The following PAX5 variants were observed in gnomAD, a reference collection of about 807,000 sequenced individuals.
The protein encoded by PAX5 is paired box 5.
In PAX5, 9 loss-of-function variants were observed where a neutral mutation model predicts 43.7. That is an observed-to-expected ratio of 0.21 (90% CI 0.12 to 0.36). The LOEUF (loss-of-function observed/expected upper bound fraction) is 0.36, where lower values mean the gene tolerates loss of function less well. PAX5 is among the 10% of genes least tolerant of loss of function. PAX5 has a pLI of 1.00. For synonymous variants in PAX5, 228 were observed against 214.3 expected, an observed-to-expected ratio of 1.06 and a Z score of -0.56; for missense variants, 383 against 532.7, an observed-to-expected ratio of 0.72 and a Z score of 2.77.
chr9:36,866,721 C>G (rs536342588), intron 8 of PAX5, among the ~76,000 whole-genome samples: 39 of 152,262 alleles, frequency 2.6e-4, no homozygotes, highest in African/African-American at 9.4e-4. Context: ...ACCTGGCTCC[C>G]CCTCTGACTT....
chr9:37,007,350 GA>G (rs1488427169), intron 3 of PAX5: 1 of 152,172 alleles, frequency 6.6e-6, no homozygotes, highest in African/African-American at 2.4e-5. Flanking sequence ...ATCATTTTCG[GA>G]AAAGAAAAAA....
At chr9:37,001,827 T>TTTC (rs61514710) in intron 5 of PAX5, among the ~76,000 whole-genome samples, 14,741 of 132,982 alleles carry the variant, frequency 0.11, 657 homozygotes, top group East Asian at 0.17. Context: ...TTTTTTTTTT[T>TTTC]TTTTTTTCTT....
chr9:36,900,059 C>A (rs1828232298), intron 7 of PAX5, among the ~76,000 whole-genome samples: 1 of 152,240 alleles, frequency 6.6e-6, no homozygotes, highest in South Asian at 2.1e-4. Flanking sequence ...TCTCTGCTCA[C>A]TCTCTAAATC....
In PAX5 at chr9:36,966,540, G is replaced by A. The variant is rs745323147; in HGVS notation, c.780+9C>T. On this transcript the variant is annotated intron_variant, in intron 6 of 9. Transcript: ENST00000358127. ...GGCAGGTGTGGTGGGCGTGCATCAC[G>A]AGGCGTACCTGCTCGGGCTTGATGG... 8 of 1,609,318 alleles carry A rather than the reference G, an allele frequency of 5.0e-6. No homozygotes were observed. Among genetic ancestry groups the A allele is most frequent in the Non-Finnish European group, 5.1e-6 (6 of 1,176,366 alleles).
At chr9:36,969,262 C>T (rs920076279) in intron 5 of PAX5, among the ~76,000 whole-genome samples, 1 of 152,224 alleles carries the variant, frequency 6.6e-6, no homozygotes, top group Admixed American at 6.5e-5. Context: ...CCGGCCCACC[C>T]AGGCTGCTCC....
At chr9:36,995,896 T>A (rs1837350057) in intron 5 of PAX5, among the ~76,000 whole-genome samples, 1 of 152,088 alleles carries the variant, frequency 6.6e-6, no homozygotes, top group Non-Finnish European at 1.5e-5. Flanking sequence ...GTGCCTCTCT[T>A]CAGGGAAAAC....
At chr9:36,849,559 C>T (rs1036208842) in intron 8 of PAX5, among the ~76,000 whole-genome samples, 1 of 152,234 alleles carries the variant, frequency 6.6e-6, no homozygotes, top group African/African-American at 2.4e-5. Flanking sequence ...ACCAGGCACA[C>T]GCTTCCAGAG....
chr9:36,873,323 A>G (rs927164775), intron 8 of PAX5, among the ~76,000 whole-genome samples: 1 of 152,216 alleles, frequency 6.6e-6, no homozygotes, highest in African/African-American at 2.4e-5. Context: ...CTAGCCCACA[A>G]TTGGCACCAA....
Position 36,833,860 on chromosome 9 carries a change from T to C in PAX5, c.*6700A>G, listed in dbSNP as rs1414527318. ...GTGGTTTTTGTTGTTGGTTTTTTTGTATTTTTTTGTATTTTTTTTTTTTTA... is the reference window on the plus strand; with the variant it reads ...GTGGTTTTTGTTGTTGGTTTTTTTGCATTTTTTTGTATTTTTTTTTTTTTA... On this transcript the variant is annotated 3_prime_UTR_variant, in exon 10 of 10. Transcript: ENST00000358127. The C allele has an allele frequency of 5.5e-6, 1 of 180,456 alleles. No homozygotes were observed. The highest frequency in any genetic ancestry group is 6.9e-5 in the East Asian group (1 of 14,416). 11.2% of individuals were successfully genotyped at this position (180,456 alleles called of 1,614,324 possible).
intron 8 of PAX5, among the ~76,000 whole-genome samples, chr9:36,851,838 C>T (rs1216154868): frequency 6.6e-6 from 1 of 152,192 alleles, no homozygotes; most frequent in African/African-American, 2.4e-5. Context: ...GAATTAAGAA[C>T]AGAGGGCTGG....
chr9:36,856,453 A>C (rs1389764954), intron 8 of PAX5: 1 of 152,242 alleles, frequency 6.6e-6, no homozygotes, highest in Non-Finnish European at 1.5e-5. Context: ...CCCCTGCCAC[A>C]TAATGACAGC....
rs1315387777 is a variant in PAX5, at chr9:36,839,460, CTGTT to C, written c.*1096_*1099del. On this transcript the variant is annotated 3_prime_UTR_variant, in exon 10 of 10. Coordinates refer to ENST00000358127, the MANE Select transcript of PAX5 (RefSeq NM_016734.3). ...GATGCTCAGAAGTTCTGGCTGTAGG[CTGTT>C]TGTGATCTGGGTGTGGGGGAAAGTC... 1.2e-4 allele frequency: 28 copies of C among 233,494 alleles called. No homozygotes were observed. In the East Asian group the frequency reaches 1.7e-3, roughly 14 times the overall value. 14.5% of individuals were successfully genotyped at this position (233,494 alleles called of 1,614,324 possible). A position where few individuals can be genotyped will look rare whatever the true frequency, so the allele number is the denominator to read the frequency against.
At chr9:36,996,438 A>G (rs1837404489) in intron 5 of PAX5, among the ~76,000 whole-genome samples, 1 of 152,190 alleles carries the variant, frequency 6.6e-6, no homozygotes, top group South Asian at 2.1e-4. Context: ...CCTTTGACTC[A>G]ACACCTTATT....
At chr9:36,843,759 G>C (rs1197621643) in intron 9 of PAX5, among the ~76,000 whole-genome samples, 2 of 152,244 alleles carry the variant, frequency 1.3e-5, no homozygotes, top group Non-Finnish European at 2.9e-5. Context: ...GACCTTGATT[G>C]AGAAGGTAGC....
chr9:36,992,134 C>A (rs566074120), intron 5 of PAX5, among the ~76,000 whole-genome samples: 3 of 131,342 alleles, frequency 2.3e-5, no homozygotes, highest in East Asian at 4.1e-4. Flanking sequence ...ACCCCCCAAC[C>A]CTCCCACACA....
intron 7 of PAX5, among the ~76,000 whole-genome samples, chr9:36,905,426 C>T (rs555612685): frequency 1.2e-4 from 19 of 152,324 alleles, no homozygotes; most frequent in African/African-American, 4.3e-4. Flanking sequence ...AGGGAATTCT[C>T]AAAGTTACCA....
intron 5 of PAX5, among the ~76,000 whole-genome samples, chr9:36,981,198 C>A (rs1268017835): frequency 7.1e-5 from 9 of 126,952 alleles, no homozygotes; most frequent in South Asian, 2.7e-4. Context: ...CCCCCCCCCT[C>A]AGCCCTGCTT....
intron 6 of PAX5, among the ~76,000 whole-genome samples, chr9:36,938,878 C>T (rs191405502): frequency 9.3e-4 from 142 of 152,338 alleles, no homozygotes; most frequent in African/African-American, 3.3e-3. Context: ...GTTCTCCCTT[C>T]AATTTTATGG....
At chr9:36,981,961 T>C in intron 5 of PAX5, among the ~76,000 whole-genome samples, 1 of 152,154 alleles carries the variant, frequency 6.6e-6, no homozygotes, top group East Asian at 1.9e-4. Flanking sequence ...CAGAAGCCAT[T>C]TGCTAAATTA....
Sources: gnomAD v4.1 joint callset for allele counts (sites outside exome capture counted in the v4.1 genomes callset) on GRCh38, gnomAD v4.1.1 for gene constraint, MANE v1.5 for transcripts, NCBI Gene and HGNC (gene_info 2026-07-23, HGNC 2026-07-21) for gene names.